FKBP4: variants seen among roughly 807,000 people sequenced by gnomAD.
The protein encoded by FKBP4 is peptidyl-prolyl cis-trans isomerase FKBP4.
In FKBP4, 28 loss-of-function variants were observed where a neutral mutation model predicts 54.1. The ratio of observed to expected loss-of-function variants is 0.52; its 90% confidence interval spans 0.38 to 0.71. The LOEUF (loss-of-function observed/expected upper bound fraction) is 0.71. Ranked by LOEUF, FKBP4 falls within the 30% of genes least tolerant of loss-of-function variation. The pLI is 0.00. For synonymous variants in FKBP4, 223 were observed against 216.1 expected (o/e 1.03, Z -0.28); for missense variants, 493 against 574.4 (o/e 0.86, Z 1.45).
At chr12:2,803,055 T>G in intron 9 of FKBP4, 96 bp from the exon 10 acceptor site, 2 of 873,098 alleles carry the variant, frequency 2.3e-6, no homozygotes, top group South Asian at 3.1e-5. Flanking sequence ...AGGACAGATG[T>G]AGGAGAATGG....
rs1415627878 is a variant in FKBP4 at position 2,801,200 on chromosome 12, A to C, written c.1116A>C (p.Ala372=). ...TGGCCGTGAATGACTTTGAACTGGCACGGGCTGATTTCCAGAAGGTCCTGC... is the reference window on the plus strand; with the variant it reads ...TGGCCGTGAATGACTTTGAACTGGCCCGGGCTGATTTCCAGAAGGTCCTGC... ...AHLAVNDFEL[A]RADFQKVLQL... Residue 372 remains alanine (A), a synonymous_variant, in exon 9 of 10, where the codon GCA becomes GCC. Transcript: ENST00000001008. 2 of 1,613,314 alleles carry C rather than the reference A, an allele frequency of 1.2e-6. No homozygotes were observed. Among genetic ancestry groups the C allele is most frequent in the Admixed American group, 1.7e-5 (1 of 60,006 alleles).
chr12:2,802,375 C>G (rs548197042), intron 9 of FKBP4, among the ~76,000 whole-genome samples: 42 of 152,122 alleles, frequency 2.8e-4, no homozygotes, highest in Non-Finnish European at 2.6e-4. Flanking sequence ...CTTTAGTGAT[C>G]TGCCCACCCC....
rs1308800332 is a variant in FKBP4 at position 2,798,745 on chromosome 12, G to A, written c.433G>A (p.Glu145Lys). ...GTTTAAGGGAGAAGATCTGACGGAAGAGGAAGATGGCGGAATCATTCGCAG... is the reference window on the plus strand; with the variant it reads ...GTTTAAGGGAGAAGATCTGACGGAAAAGGAAGATGGCGGAATCATTCGCAG... ...FEFKGEDLTEEEDGGIIRRIQ... is the reference protein window; with the variant it reads ...FEFKGEDLTEKEDGGIIRRIQ... Residue 145 changes from glutamate (E) to lysine (K), a missense_variant, in exon 4 of 10, where the codon GAG (glutamate) becomes AAG (lysine). Physicochemically the swap from Glu to Lys is moderately conservative, Grantham distance 56. Coordinates refer to ENST00000001008, the MANE Select transcript of FKBP4 (RefSeq NM_002014.4). This position sits in a 1 kb window ranked among gnomAD's most constrained non-coding sequence, Gnocchi z 4.3. 1.2e-6 allele frequency: 2 copies of A among 1,614,154 alleles called. No individual in the cohort carries two copies. Among genetic ancestry groups the A allele is most frequent in the Non-Finnish European group, 1.7e-6 (2 of 1,180,032 alleles).
intron 5 of FKBP4, 129 bp downstream of exon 5, chr12:2,799,373 T>C: frequency 1.0e-6 from 1 of 986,932 alleles, no homozygotes; most frequent in Non-Finnish European, 1.4e-6. Flanking sequence ...CATTATGATA[T>C]CCTCAGTGTA....
chr12:2,800,035 G>C lies in FKBP4; in HGVS notation c.763-4G>C, dbSNP rs181882117. On this transcript the variant is annotated splice_region_variant and splice_polypyrimidine_tract_variant and intron_variant, in intron 6 of 9. Transcript: ENST00000001008. Reference sequence around the variant, plus strand: ...AACTTTGTTTCTCTCCTGGGGTGTGGCAGGCCAAGGAGTCTTGGGAGATGA... The same window carrying C: ...AACTTTGTTTCTCTCCTGGGGTGTGCCAGGCCAAGGAGTCTTGGGAGATGA... The C allele has an allele frequency of 6.2e-7, 1 of 1,614,134 alleles. No homozygotes were observed. Among genetic ancestry groups the C allele is most frequent in the Admixed American group, 1.7e-5 (1 of 60,026 alleles).
Position 2,804,235 on chromosome 12 carries a change from CACTT to C in FKBP4, c.*979_*982del, listed in dbSNP as rs2097906390. On this transcript the variant is annotated 3_prime_UTR_variant, in exon 10 of 10. Coordinates refer to ENST00000001008, the MANE Select transcript of FKBP4 (RefSeq NM_002014.4). ...TAGTGCCTCTGGTTTTCTTCCCTGA[CACTT>C]AGGAAGACGAAAGTATAAAGATCTA... is the stretch of plus-strand genomic sequence containing the variant. The C allele has an allele frequency of 6.6e-6, 1 of 152,250 alleles. No individual in the cohort carries two copies. Among genetic ancestry groups the C allele is most frequent in the South Asian group, 2.1e-4 (1 of 4,836 alleles). 9.4% of individuals were successfully genotyped at this position (152,250 alleles called of 1,614,324 possible). A position where few individuals can be genotyped will look rare whatever the true frequency, so the allele number is the denominator to read the frequency against.
intron 8 of FKBP4, 123 bp downstream of exon 8, chr12:2,800,700 C>T (rs1225007489): frequency 2.0e-6 from 2 of 992,240 alleles, no homozygotes; most frequent in Non-Finnish European, 2.9e-6. Flanking sequence ...AGTGGGAGCT[C>T]TGAGGTTACA....
chr12:2,797,316 C>T (rs765724082), intron 2 of FKBP4, 34 bp downstream of exon 2: 9 of 1,611,316 alleles, frequency 5.6e-6, no homozygotes, highest in Admixed American at 1.7e-5. Flanking sequence ...AGGATAGGTT[C>T]GAGGTGGACA....
At chr12:2,801,002 C>T in intron 8 of FKBP4, 115 bp from the exon 9 acceptor site, 1 of 1,415,406 alleles carries the variant, frequency 7.1e-7, no homozygotes. Context: ...GGGGTGCAGC[C>T]AGCCACTTGC....
intron 1 of FKBP4, 129 bp from the exon 2 acceptor site, chr12:2,797,009 G>A: frequency 1.4e-6 from 2 of 1,444,630 alleles, no homozygotes; most frequent in East Asian, 2.5e-5. Context: ...GAATCTGGAG[G>A]GACAAGTAGG....
At chr12:2,799,299 A>G (rs1179250570) in intron 5 of FKBP4, 55 bp downstream of exon 5, 1 of 1,456,696 alleles carries the variant, frequency 6.9e-7, no homozygotes, top group Non-Finnish European at 9.1e-7. Flanking sequence ...GATCAAAGAT[A>G]TAAAATGAAT....
At position 2,805,001 on chromosome 12, in the gene FKBP4, T is replaced by C; in HGVS notation, c.*1743T>C. 6 of 311,010 alleles carry C rather than the reference T, an allele frequency of 1.9e-5. No homozygotes were observed. The highest frequency in any genetic ancestry group is 1.6e-4 in the South Asian group (6 of 38,450). 19.3% of individuals were successfully genotyped at this position (311,010 alleles called of 1,614,324 possible). A position where few individuals can be genotyped will look rare whatever the true frequency, so the allele number is the denominator to read the frequency against. On this transcript the variant is annotated 3_prime_UTR_variant, in exon 10 of 10. Coordinates refer to ENST00000001008, the MANE Select transcript of FKBP4 (RefSeq NM_002014.4). Reference sequence around the variant, plus strand: ...GTTTGTGGTTTGTGTCTGGGTCCTCTTGGTATTTCAAAAGTAGTAGATTCT... The same window carrying C: ...GTTTGTGGTTTGTGTCTGGGTCCTCCTGGTATTTCAAAAGTAGTAGATTCT...
At chr12:2,796,832 C>T (rs1461405350) in intron 1 of FKBP4, 1 of 1,158,470 alleles carries the variant, frequency 8.6e-7, no homozygotes, top group African/African-American at 1.6e-5. Flanking sequence ...TAGGGATTAT[C>T]ATCACTGCTT....
rs746911480 is a variant in FKBP4, at chr12:2,803,931, G to T, written c.*673G>T. On this transcript the variant is annotated 3_prime_UTR_variant, in exon 10 of 10. Transcript: ENST00000001008. ...AGTTCCATGCTTGAGCAATAAAGTG[G>T]AAACAATAAAACCTGGGTGTCAGAC... The T allele has an allele frequency of 6.5e-6, 1 of 152,938 alleles. No individual in the cohort carries two copies. The highest frequency in any genetic ancestry group is 1.5e-5 in the Non-Finnish European group (1 of 68,272). The allele number at this position is 152,938 out of a possible 1,614,324, so 9.5% of individuals were successfully genotyped here.
At position 2,800,455 on chromosome 12, in the gene FKBP4, T is replaced by C; in HGVS notation, c.910T>C (p.Ser304Pro). ...GATCGTGTCTTGGCTGGAATATGAGTCTAGTTTTTCCAATGAGGAAGCACA... is the reference window on the plus strand; with the variant it reads ...GATCGTGTCTTGGCTGGAATATGAGCCTAGTTTTTCCAATGAGGAAGCACA... ...KKIVSWLEYE[S>P]SFSNEEAQKA... is the part of the protein sequence containing the mutation. The change falls in exon 8 of 10, where the codon TCT (serine) becomes CCT (proline). Residue 304 changes from serine (S) to proline (P), a missense_variant. Coordinates refer to ENST00000001008, the MANE Select transcript of FKBP4 (RefSeq NM_002014.4). 6.2e-7 allele frequency: 1 copy of C among 1,614,082 alleles called. No homozygotes were observed. The highest frequency in any genetic ancestry group is 8.5e-7 in the Non-Finnish European group (1 of 1,179,996).
At position 2,795,827 on chromosome 12, in the gene FKBP4, C is replaced by G. The variant is rs995857906; in HGVS notation, c.105+583C>G. 7 of 430,798 alleles carry G rather than the reference C, an allele frequency of 1.6e-5. No individual in the cohort carries two copies. The highest frequency in any genetic ancestry group is 6.4e-5 in the African/African-American group (3 of 46,722). 26.7% of individuals were successfully genotyped at this position (430,798 alleles called of 1,614,324 possible). On this transcript the variant is annotated intron_variant, in intron 1 of 9. Transcript: ENST00000001008. The surrounding 1 kb of genome is among the most constrained non-coding windows in gnomAD (Gnocchi z 4.3). ...GGGTTCCGGCGCCCTCCCGGGGTCC[C>G]CTGCCGACGCCGGGACCCAGCGAGG... is the stretch of plus-strand genomic sequence containing the variant.
rs1290357919 is a variant in FKBP4, at chr12:2,799,251, G to T, written c.671+7G>T. On this transcript the variant is annotated splice_region_variant and intron_variant, in intron 5 of 9. Transcript: ENST00000001008. Reference sequence around the variant, plus strand: ...TCGTGTACCTCAAGCCCAGGTGAGGGGTGGGCACTTCGTAGGGTAGGCAGG... The same window carrying T: ...TCGTGTACCTCAAGCCCAGGTGAGGTGTGGGCACTTCGTAGGGTAGGCAGG... The T allele has an allele frequency of 2.7e-6, 4 of 1,487,236 alleles. No individual in the cohort carries two copies. The highest frequency in any genetic ancestry group is 3.6e-6 in the Non-Finnish European group (4 of 1,118,592). The allele number at this position is 1,487,236 out of a possible 1,614,324, so 92.1% of individuals were successfully genotyped here. A position where few individuals can be genotyped will look rare whatever the true frequency, so the allele number is the denominator to read the frequency against.
rs1472392278 is a variant in FKBP4 at position 2,803,954 on chromosome 12, G to C, written c.*696G>C. The C allele has an allele frequency of 6.5e-6, 1 of 152,936 alleles. No individual in the cohort carries two copies. The highest frequency in any genetic ancestry group is 1.5e-5 in the Non-Finnish European group (1 of 68,258). 9.5% of individuals were successfully genotyped at this position (152,936 alleles called of 1,614,324 possible). A position where few individuals can be genotyped will look rare whatever the true frequency, so the allele number is the denominator to read the frequency against. ...TGGAAACAATAAAACCTGGGTGTCA[G>C]ACAACCCTTTCTGTTCAGCCTTGGA... On this transcript the variant is annotated 3_prime_UTR_variant, in exon 10 of 10. Coordinates refer to ENST00000001008, the MANE Select transcript of FKBP4 (RefSeq NM_002014.4).
At chr12:2,800,924 T>A (rs2097904386) in intron 8 of FKBP4, among the ~76,000 whole-genome samples, 193 bp from the exon 9 acceptor site, 1 of 152,228 alleles carries the variant, frequency 6.6e-6, no homozygotes, top group African/African-American at 2.4e-5. Context: ...CTGTCTTCCC[T>A]CTCTGCCTGT....
Sources: gnomAD v4.1 joint callset for allele counts (sites outside exome capture counted in the v4.1 genomes callset) on GRCh38, gnomAD v4.1.1 for gene constraint, Gnocchi (gnomAD v3.1) non-coding constraint, MANE v1.5 for transcripts, NCBI Gene and HGNC (gene_info 2026-07-23, HGNC 2026-07-21) for gene names.